Variants in PIKFYVE observed in about 807,000 individuals in gnomAD.
PIKFYVE encodes phosphoinositide kinase, FYVE-type zinc finger containing.
In PIKFYVE, 122 loss-of-function variants were observed where a neutral mutation model predicts 257.9. The observed-to-expected ratio is 0.47, with a 90% CI of 0.41 to 0.55. PIKFYVE has a LOEUF of 0.55. PIKFYVE is among the 20% of genes least tolerant of loss of function. The pLI is 0.00. For synonymous variants in PIKFYVE, 892 were observed against 868.9 expected (o/e 1.03, Z -0.47); for missense variants, 2,160 against 2,536.6 (o/e 0.85, Z 3.19).
chr2:208,285,776 C>T lies in PIKFYVE; in HGVS notation c.664C>T (p.His222Tyr), dbSNP rs774473707. ...YCRKIALSYA[H>Y]STDSNSIGED... ...TAGAAAAATAGCCTTAAGTTATGCT[C>T]ATTCCACAGACAGTAATTCTATTGG... Residue 222 changes from histidine (H) to tyrosine (Y), a missense_variant, in exon 6 of 42, where the codon CAT (histidine) becomes TAT (tyrosine). This residue lies in a region of PIKFYVE where 187 missense variants were observed against 185.6 expected (regional missense o/e 1.01). Transcript: ENST00000264380. 1 of 1,614,062 alleles carries T rather than the reference C, an allele frequency of 6.2e-7. No homozygotes were observed. Among genetic ancestry groups the T allele is most frequent in the African/African-American group, 1.3e-5 (1 of 75,034 alleles).
At position 208,330,659 on chromosome 2, in the gene PIKFYVE, A is replaced by G. The variant is rs1221191870; in HGVS notation, c.3928A>G (p.Ile1310Val). The change falls in exon 23 of 42, where the codon ATT (isoleucine) becomes GTT (valine). Residue 1310 changes from isoleucine (I) to valine (V), a missense_variant. Physicochemically the swap from Ile to Val is conservative, Grantham distance 29 (BLOSUM62 3). Around this residue, in one of 12 missense-constraint regions of PIKFYVE, gnomAD observed 55 missense variants for 103.0 expected, o/e 0.53. Transcript: ENST00000264380. ...DSPVPGYQHT[I>V]LTYSWCRICK... Reference sequence around the variant, plus strand: ...TCCAGTACCTGGATATCAGCATACAATTCTTACATATTCCTGGTGTAGAAT... The same window carrying G: ...TCCAGTACCTGGATATCAGCATACAGTTCTTACATATTCCTGGTGTAGAAT... 1.4e-5 allele frequency: 23 copies of G among 1,614,124 alleles called. No individual in the cohort carries two copies. The highest frequency in any genetic ancestry group is 3.3e-5 in the Admixed American group (2 of 60,032).
rs905819745 is a variant in PIKFYVE, at chr2:208,328,233, C to T, written c.3672C>T (p.Ser1224=). Residue 1224 remains serine (S), a synonymous_variant, in exon 21 of 42, where the codon AGC becomes AGT. Coordinates refer to ENST00000264380, the MANE Select transcript of PIKFYVE (RefSeq NM_015040.4). ...AGAGACTTTGTGTGCTCTTCAGCAG[C>T]TCTTCTGCCCAGTCCAGCAATGCTC... ...NHQRLCVLFS[S]SSAQSSNAPS... 1.2e-6 allele frequency: 2 copies of T among 1,613,800 alleles called. No homozygotes were observed. Among genetic ancestry groups the T allele is most frequent in the African/African-American group, 2.7e-5 (2 of 74,886 alleles).
At chr2:208,318,437 G>A (rs143795853) in intron 16 of PIKFYVE, among the ~76,000 whole-genome samples, 279 of 152,268 alleles carry the variant, frequency 1.8e-3, no homozygotes, top group African/African-American at 6.1e-3. Context: ...AGTTCCTAAG[G>A]TGTAATATGG....
intron 31 of PIKFYVE, among the ~76,000 whole-genome samples, chr2:208,340,427 T>C (rs1409322332): frequency 1.3e-5 from 2 of 152,224 alleles, no homozygotes. Flanking sequence ...ATCCACTGAT[T>C]TAATAATTAT....
chr2:208,328,276 C>G lies in PIKFYVE; in HGVS notation c.3715C>G (p.Pro1239Ala). The G allele has an allele frequency of 6.2e-7, 1 of 1,613,716 alleles. No individual in the cohort carries two copies. Among genetic ancestry groups the G allele is most frequent in the Middle Eastern group, 1.7e-4 (1 of 6,058 alleles). The change falls in exon 21 of 42, where the codon CCT becomes GCT. Residue 1239 changes from proline to alanine, a missense_variant. This residue lies in a region of PIKFYVE where 522 missense variants were observed against 514.6 expected (regional missense o/e 1.01). Coordinates refer to ENST00000264380, the MANE Select transcript of PIKFYVE (RefSeq NM_015040.4). Reference protein sequence around the residue: ...SSNAPSACVSPWIVTMEFYGK... With the variant: ...SSNAPSACVSAWIVTMEFYGK... ...CAATGCTCCTAGTGCCTGTGTCAGT[C>G]CTTGGTAGGATTCTTTTCCCCCTAC...
At chr2:208,322,395 A>AC (rs979318011) in intron 17 of PIKFYVE, among the ~76,000 whole-genome samples, 2 of 150,558 alleles carry the variant, frequency 1.3e-5, no homozygotes, top group Non-Finnish European at 1.5e-5. Context: ...AAAAAAAAAA[A>AC]AAACTTAGAA....
At chr2:208,281,915 T>G (rs528742455) in intron 5 of PIKFYVE, among the ~76,000 whole-genome samples, 1 of 152,342 alleles carries the variant, frequency 6.6e-6, no homozygotes, top group East Asian at 1.9e-4. Flanking sequence ...ATCTTAGCAC[T>G]GAACCTGCAG....
chr2:208,350,717 G>A, intron 36 of PIKFYVE, 54 bp from the exon 37 acceptor site: 1 of 1,590,082 alleles, frequency 6.3e-7, no homozygotes, highest in Non-Finnish European at 8.6e-7. Flanking sequence ...AGCGGAGGAG[G>A]AAAGATATTT....
chr2:208,320,110 C>T lies in PIKFYVE; in HGVS notation c.2083-142C>T, dbSNP rs994981215. 5 of 1,216,834 alleles carry T rather than the reference C, an allele frequency of 4.1e-6. No individual in the cohort carries two copies. The African/African-American group carries it at 6.1e-5, about 15-fold the overall frequency. The allele number at this position is 1,216,834 out of a possible 1,614,324, so 75.4% of individuals were successfully genotyped here. The stretch of plus-strand genomic sequence containing the variant: ...GAAAAAATTTAATACCGTAAAAGAA[C>T]TAAATGAGAATATATTAATACTAAT... On this transcript the variant is annotated intron_variant, in intron 16 of 41. Transcript: ENST00000264380.
chr2:208,302,431 G>A, intron 10 of PIKFYVE, 78 bp downstream of exon 10: 1 of 1,299,994 alleles, frequency 7.7e-7, no homozygotes, highest in Non-Finnish European at 1.1e-6. Context: ...GGAATAAAAA[G>A]TAGTTTATTA....
intron 2 of PIKFYVE, among the ~76,000 whole-genome samples, chr2:208,273,198 G>T (rs6435439): frequency 1.3e-5 from 2 of 152,246 alleles, no homozygotes; most frequent in African/African-American, 2.4e-5. Flanking sequence ...GTTTCCTTTA[G>T]TATGCTCAAG....
intron 36 of PIKFYVE, 62 bp from the exon 37 acceptor site, chr2:208,350,709 C>T (rs141834311): frequency 1.2e-4 from 182 of 1,564,652 alleles, no homozygotes; most frequent in Middle Eastern, 4.4e-4. Flanking sequence ...AGTGAGGGAG[C>T]GGAGGAGGAA....
rs534028248 is a variant in PIKFYVE at position 208,348,392 on chromosome 2, CTTTCT to C, written c.5374+374_5374+378del. ...ATTCCACTACTCCCTCAAATGTTTT[CTTTCT>C]TTTCAAGTCCCTGTAAAGTTGCAGC... is the stretch of plus-strand genomic sequence containing the variant. On this transcript the variant is annotated intron_variant, in intron 35 of 41. Coordinates refer to ENST00000264380, the MANE Select transcript of PIKFYVE (RefSeq NM_015040.4). 2.3e-4 allele frequency among the ~76,000 whole-genome samples: 35 copies of C among 152,250 alleles called. 1 individual carries two copies. The South Asian group carries it at 6.6e-3, about 29-fold the overall frequency.
chr2:208,339,163 C>T lies in PIKFYVE; in HGVS notation c.4673-255C>T, dbSNP rs565099735. On this transcript the variant is annotated intron_variant, in intron 29 of 41. Coordinates refer to ENST00000264380, the MANE Select transcript of PIKFYVE (RefSeq NM_015040.4). ...GTAGGCATTGTGGTATAATGGATAGCGTGTTGGATAGGAGTCAGTCTTGGT... is the reference window on the plus strand; with the variant it reads ...GTAGGCATTGTGGTATAATGGATAGTGTGTTGGATAGGAGTCAGTCTTGGT... Among the ~76,000 whole-genome samples the T allele has an allele frequency of 2.9e-4, 44 of 152,198 alleles. No homozygotes were observed. The East Asian group carries it at 4.2e-3, about 15-fold the overall frequency.
chr2:208,283,463 A>G (rs1263668372), intron 5 of PIKFYVE, among the ~76,000 whole-genome samples: 3 of 152,194 alleles, frequency 2.0e-5, no homozygotes, highest in Admixed American at 6.5e-5. Context: ...TGATTTTACA[A>G]TTTTAGTTCT....
In PIKFYVE at chr2:208,326,077, C is replaced by G; in HGVS notation, c.3266C>G (p.Pro1089Arg). 1 of 1,614,158 alleles carries G rather than the reference C, an allele frequency of 6.2e-7. No homozygotes were observed. The highest frequency in any genetic ancestry group is 8.5e-7 in the Non-Finnish European group (1 of 1,180,022). Residue 1089 changes from proline (P) to arginine (R), a missense_variant, in exon 20 of 42, where the codon CCT (proline) becomes CGT (arginine). Physicochemically the swap from Pro to Arg is moderately radical, Grantham distance 103. This residue lies in a region of PIKFYVE where 522 missense variants were observed against 514.6 expected (regional missense o/e 1.01). Transcript: ENST00000264380. ...DYFAEQVYWS[P>R]LLNKEFKEME... ...TTTGCAGAGCAGGTTTACTGGTCTC[C>G]TCTCCTCAATAAAGAATTCAAAGAA...
At chr2:208,345,847 A>G (rs1699175237) in intron 33 of PIKFYVE, among the ~76,000 whole-genome samples, 1 of 152,052 alleles carries the variant, frequency 6.6e-6, no homozygotes, top group African/African-American at 2.4e-5. Flanking sequence ...ACAGCATTTC[A>G]CTTTAAGTCC....
rs769751101 is a variant in PIKFYVE, at chr2:208,320,374, C to T, written c.2190+15C>T. On this transcript the variant is annotated intron_variant, in intron 17 of 41. Coordinates refer to ENST00000264380, the MANE Select transcript of PIKFYVE (RefSeq NM_015040.4). ...TTGTGCTTCAGGTAAGAATTTACTA[C>T]TGAAAATAATAATTTAGAGGGATGT... 16 of 1,609,346 alleles carry T rather than the reference C, an allele frequency of 9.9e-6. No individual in the cohort carries two copies. The highest frequency in any genetic ancestry group is 1.3e-5 in the Non-Finnish European group (15 of 1,176,732).
intron 12 of PIKFYVE, among the ~76,000 whole-genome samples, chr2:208,305,824 G>A (rs1183655322): frequency 6.6e-6 from 1 of 152,036 alleles, no homozygotes; most frequent in Non-Finnish European, 1.5e-5. Flanking sequence ...AATAAATGTG[G>A]GATTTTGTTA....
Sources: allele counts gnomAD v4.1 joint callset (sites outside exome capture counted in the v4.1 genomes callset), GRCh38; gene constraint gnomAD v4.1.1; regional missense constraint gnomAD v4.1.1; transcripts MANE v1.5; gene names NCBI Gene and HGNC (gene_info 2026-07-23, HGNC 2026-07-21).